Variants in CNTN4 observed in about 807,000 individuals in gnomAD.
The protein encoded by CNTN4 is contactin 4.
A neutral mutation model predicts 122.5 loss-of-function variants in CNTN4; 77 were observed. That is an observed-to-expected ratio of 0.63 (90% confidence interval 0.52 to 0.76). CNTN4 has a LOEUF of 0.76. Among genes scored for constraint, CNTN4 ranks in the 30% least tolerant of loss-of-function variants. CNTN4 has a pLI of 0.00. For missense variants in CNTN4, 1,256 were observed against 1,259.1 expected (o/e 1.00, Z 0.04); for synonymous variants, 512 against 447.0 (o/e 1.15, Z -1.83).
At chr3:2,766,088 C>A (rs1031821094) in intron 6 of CNTN4, among the ~76,000 whole-genome samples, 3 of 152,146 alleles carry the variant, frequency 2.0e-5, no homozygotes, top group Non-Finnish European at 2.9e-5. Flanking sequence ...AGAGTTAAAG[C>A]CCAGAGTCAC....
intron 2 of CNTN4, among the ~76,000 whole-genome samples, chr3:2,326,529 A>C (rs62243987): frequency 1.4e-4 from 14 of 100,192 alleles, no homozygotes; most frequent in South Asian, 3.1e-4. Flanking sequence ...CACACACACA[A>C]TCTTACTGAT....
chr3:2,452,184 C>G (rs1395187631), intron 3 of CNTN4, among the ~76,000 whole-genome samples: 1 of 152,172 alleles, frequency 6.6e-6, no homozygotes, highest in East Asian at 1.9e-4. Flanking sequence ...ACTCTGCTAT[C>G]TACTGCTATT....
chr3:2,586,790 A>C (rs894664827), intron 4 of CNTN4, among the ~76,000 whole-genome samples: 1 of 152,138 alleles, frequency 6.6e-6, no homozygotes, highest in African/African-American at 2.4e-5. Context: ...ACCACACTGT[A>C]GTGATTTCTG....
At chr3:2,291,585 A>T (rs186129325) in intron 2 of CNTN4, among the ~76,000 whole-genome samples, 72 of 152,250 alleles carry the variant, frequency 4.7e-4, no homozygotes, top group African/African-American at 1.7e-3. Context: ...ATTTCACCAT[A>T]GGATAATGCT....
intron 3 of CNTN4, among the ~76,000 whole-genome samples, chr3:2,528,531 A>C (rs953121742): frequency 2.0e-5 from 3 of 152,170 alleles, no homozygotes; most frequent in African/African-American, 7.2e-5. Flanking sequence ...ATCCAAGGTG[A>C]AACCGAAACT....
intron 2 of CNTN4, among the ~76,000 whole-genome samples, chr3:2,294,993 C>A (rs1575295206): frequency 6.6e-6 from 1 of 152,184 alleles, no homozygotes; most frequent in Non-Finnish European, 1.5e-5. Flanking sequence ...CATGTCCCTA[C>A]AAAGGACATG....
intron 4 of CNTN4, among the ~76,000 whole-genome samples, chr3:2,586,262 T>A (rs1451538662): frequency 6.6e-6 from 1 of 152,114 alleles, no homozygotes; most frequent in Non-Finnish European, 1.5e-5. Context: ...TCCATTTTTG[T>A]TGTTGTTGTT....
intron 4 of CNTN4, among the ~76,000 whole-genome samples, chr3:2,703,069 A>G (rs1317524857): frequency 6.6e-6 from 1 of 152,192 alleles, no homozygotes; most frequent in Non-Finnish European, 1.5e-5. Flanking sequence ...TAATTCAATT[A>G]TCACAGCACT....
At chr3:2,813,807 G>C (rs143216420) in intron 6 of CNTN4, among the ~76,000 whole-genome samples, 7 of 152,126 alleles carry the variant, frequency 4.6e-5, no homozygotes, top group African/African-American at 1.7e-4. Flanking sequence ...AAATTTCCCA[G>C]ACAAAAAATA....
At chr3:2,252,481 C>T (rs2040416141) in intron 2 of CNTN4, among the ~76,000 whole-genome samples, 1 of 151,944 alleles carries the variant, frequency 6.6e-6, no homozygotes, top group Admixed American at 6.6e-5. Context: ...TCTTTTTGCA[C>T]TTCCATTGAC....
intron 10 of CNTN4, among the ~76,000 whole-genome samples, chr3:2,891,105 T>A (rs914847675): frequency 6.6e-6 from 1 of 152,112 alleles, no homozygotes; most frequent in Non-Finnish European, 1.5e-5. Context: ...TTAACCAAAA[T>A]GCACTATTAA....
At chr3:2,378,738 T>G (rs1013920613) in intron 3 of CNTN4, among the ~76,000 whole-genome samples, 2 of 127,246 alleles carry the variant, frequency 1.6e-5, no homozygotes, top group African/African-American at 5.4e-5. Context: ...CTTAGCTCCT[T>G]TTTTTTTTTG....
chr3:2,595,215 C>A (rs1055356721), intron 4 of CNTN4, among the ~76,000 whole-genome samples: 2 of 152,110 alleles, frequency 1.3e-5, no homozygotes, highest in Non-Finnish European at 2.9e-5. Context: ...CTGATGCATC[C>A]TTTCTGTTAA....
intron 3 of CNTN4, among the ~76,000 whole-genome samples, chr3:2,549,751 T>A (rs1225624171): frequency 2.0e-5 from 3 of 152,164 alleles, no homozygotes; most frequent in Admixed American, 2.0e-4. Flanking sequence ...TTTCTGTTGT[T>A]TGGAATAGTT....
Position 2,516,926 on chromosome 3 carries a change from A to G in CNTN4, c.-88-54490A>G, listed in dbSNP as rs1446739801. On this transcript the variant is annotated intron_variant, in intron 3 of 24. Transcript: ENST00000418658. ...AATTTGAGTGCCCTGCAAGCAAGCA[A>G]TAACAAAAGAAAGAAAGAAAAAAAA... 2.0e-5 allele frequency among the ~76,000 whole-genome samples: 3 copies of G among 152,062 alleles called. No homozygotes were observed. The East Asian group carries it at 5.8e-4, about 29-fold the overall frequency.
At chr3:2,194,573 G>A (rs765525757) in intron 2 of CNTN4, among the ~76,000 whole-genome samples, 11 of 152,174 alleles carry the variant, frequency 7.2e-5, no homozygotes, top group African/African-American at 2.4e-4. Flanking sequence ...CTCACCACCC[G>A]TCCCTCAGAA....
At chr3:2,570,974 A>G (rs146743229) in intron 3 of CNTN4, among the ~76,000 whole-genome samples, 99 of 152,308 alleles carry the variant, frequency 6.5e-4, no homozygotes, top group Non-Finnish European at 5.9e-5. Flanking sequence ...CCCACACGAT[A>G]TAACTCCATT....
At chr3:2,455,739 T>A (rs1197674629) in intron 3 of CNTN4, among the ~76,000 whole-genome samples, 2 of 152,032 alleles carry the variant, frequency 1.3e-5, no homozygotes, top group East Asian at 1.9e-4. Context: ...ATTCCTGAAG[T>A]GTGTCTTATT....
At chr3:2,332,466 T>A (rs967425023) in intron 2 of CNTN4, among the ~76,000 whole-genome samples, 5 of 152,090 alleles carry the variant, frequency 3.3e-5, no homozygotes, top group African/African-American at 1.2e-4. Flanking sequence ...CCCATTTGAT[T>A]AGAAACAGAG....
Sources: gnomAD v4.1 joint callset for allele counts (sites outside exome capture counted in the v4.1 genomes callset) on GRCh38, gnomAD v4.1.1 for gene constraint, MANE v1.5 for transcripts, NCBI Gene and HGNC (gene_info 2026-07-23, HGNC 2026-07-21) for gene names.